LRP1B: variants seen among roughly 807,000 people sequenced by gnomAD.
LRP1B encodes low-density lipoprotein receptor-related protein 1B.
LRP1B carries 217 observed loss-of-function variants against 556.6 expected under a neutral mutation model. That is an observed-to-expected ratio of 0.39 (90% CI 0.35 to 0.44). The LOEUF (loss-of-function observed/expected upper bound fraction) is 0.44. Among genes scored for constraint, LRP1B ranks in the 20% least tolerant of loss-of-function variants. LRP1B has a pLI of 1.00. For missense variants in LRP1B, 5,053 were observed against 5,620.8 expected, an observed-to-expected ratio of 0.90 and a Z score of 3.23; for synonymous variants, 2,047 against 1,865.8, an observed-to-expected ratio of 1.10 and a Z score of -2.50.
At chr2:140,540,747 G>A (rs1389667209) in intron 45 of LRP1B, among the ~76,000 whole-genome samples, 1 of 149,568 alleles carries the variant, frequency 6.7e-6, no homozygotes, top group Non-Finnish European at 1.5e-5. Flanking sequence ...GTGCACAACA[G>A]GAGGGTAAAA....
chr2:140,314,847 G>T, intron 83 of LRP1B, 88 bp downstream of exon 83: 1 of 849,572 alleles, frequency 1.2e-6, no homozygotes, highest in Non-Finnish European at 1.8e-6. Context: ...AAGATATTAG[G>T]AAGTATATTT....
At chr2:140,622,365 A>T (rs1399659159) in intron 41 of LRP1B, among the ~76,000 whole-genome samples, 1 of 152,196 alleles carries the variant, frequency 6.6e-6, no homozygotes, top group African/African-American at 2.4e-5. Flanking sequence ...TCCATTAAAC[A>T]CCTGCCTGAA....
At chr2:141,717,965 G>A (rs1409552419) in intron 2 of LRP1B, among the ~76,000 whole-genome samples, 1 of 152,202 alleles carries the variant, frequency 6.6e-6, no homozygotes, top group Non-Finnish European at 1.5e-5. Flanking sequence ...GAGGATGAAG[G>A]AGGATACACT....
intron 22 of LRP1B, among the ~76,000 whole-genome samples, chr2:140,907,002 C>A (rs558319206): frequency 6.8e-6 from 1 of 147,326 alleles, no homozygotes; most frequent in South Asian, 2.2e-4. Flanking sequence ...TTTTTTATAT[C>A]ATTCAGTATG....
At chr2:141,239,557 A>T (rs1413109407) in intron 5 of LRP1B, among the ~76,000 whole-genome samples, 1 of 152,082 alleles carries the variant, frequency 6.6e-6, no homozygotes, top group African/African-American at 2.4e-5. Flanking sequence ...ATATGAGTCT[A>T]ATCCTCGAAC....
chr2:141,824,747 A>G (rs1696867611), intron 1 of LRP1B, among the ~76,000 whole-genome samples: 1 of 152,140 alleles, frequency 6.6e-6, no homozygotes, highest in Admixed American at 6.5e-5. Context: ...TACTTTTCAA[A>G]TCTTTCCCAC....
Position 141,144,579 on chromosome 2 carries a change from G to A in LRP1B, c.1013+43842C>T, listed in dbSNP as rs77938118. 3.7e-4 allele frequency among the ~76,000 whole-genome samples: 57 copies of A among 152,244 alleles called. 1 individual carries two copies. The East Asian group carries it at 8.1e-3, about 22-fold the overall frequency. ...AATCTACTACTTCTCATATGAATGA[G>A]TAACAGCTGGTCACTTTATAACCAT... is the stretch of plus-strand genomic sequence containing the variant. On this transcript the variant is annotated intron_variant, in intron 7 of 90. Transcript: ENST00000389484.
At chr2:140,993,038 G>A (rs1222037700) in intron 16 of LRP1B, among the ~76,000 whole-genome samples, 1 of 151,830 alleles carries the variant, frequency 6.6e-6, no homozygotes, top group African/African-American at 2.4e-5. Context: ...CTGAAGCATC[G>A]ATGTTTGAAT....
intron 10 of LRP1B, among the ~76,000 whole-genome samples, chr2:141,052,014 C>G (rs2105450584): frequency 6.6e-6 from 1 of 152,048 alleles, no homozygotes; most frequent in East Asian, 1.9e-4. Flanking sequence ...GAACCATTAT[C>G]TTAAGCCTTG....
chr2:141,504,958 G>A (rs972880920), intron 2 of LRP1B, among the ~76,000 whole-genome samples: 2 of 151,978 alleles, frequency 1.3e-5, no homozygotes, highest in African/African-American at 4.8e-5. Flanking sequence ...TGAAAGATAG[G>A]ACATTTCCAT....
rs181465744 is a variant in LRP1B at position 140,253,297 on chromosome 2, G to C, written c.13248-6135C>G. On this transcript the variant is annotated intron_variant, in intron 86 of 90. Coordinates refer to ENST00000389484, the MANE Select transcript of LRP1B (RefSeq NM_018557.3). ...TTCTGAGAAGTGTTAATGTGGTAAA[G>C]TAAAAAGAGAAATGACATATTCAAT... 2.8e-4 allele frequency among the ~76,000 whole-genome samples: 42 copies of C among 152,068 alleles called. 2 individuals are homozygous for C. The highest frequency in any genetic ancestry group is 2.3e-3 in the Admixed American group (35 of 15,252).
intron 71 of LRP1B, among the ~76,000 whole-genome samples, chr2:140,365,946 A>G (rs1682742258): frequency 6.6e-6 from 1 of 151,734 alleles, no homozygotes; most frequent in Admixed American, 6.6e-5. Flanking sequence ...TGGAAGGAAT[A>G]ATGTGCCCGA....
intron 15 of LRP1B, among the ~76,000 whole-genome samples, 161 bp downstream of exon 15, chr2:141,005,174 A>G (rs1465931253): frequency 6.6e-6 from 1 of 152,104 alleles, no homozygotes; most frequent in African/African-American, 2.4e-5. Context: ...CTATATATTC[A>G]AAATTAATCA....
At position 140,541,038 on chromosome 2, in the gene LRP1B, G is replaced by C. The variant is rs1169250775; in HGVS notation, c.7448C>G (p.Pro2483Arg). ...GCAGGAACAATTCACTCTCCCATTG[G>C]GAGTTAAAAGGCACAAGTCATGGCA... ...GGCHDLCLLT[P>R]NGRVNCSCRG... The change falls in exon 45 of 91, where the codon CCC becomes CGC. Residue 2483 changes from proline (P) to arginine (R), a missense_variant. Pro to Arg is a moderately radical substitution (Grantham distance 103, BLOSUM62 -2). Transcript: ENST00000389484. 3 of 1,611,512 alleles carry C rather than the reference G, an allele frequency of 1.9e-6. No individual in the cohort carries two copies. The highest frequency in any genetic ancestry group is 2.5e-6 in the Non-Finnish European group (3 of 1,178,284).
At chr2:140,809,750 T>C (rs1207032420) in intron 32 of LRP1B, among the ~76,000 whole-genome samples, 6 of 152,172 alleles carry the variant, frequency 3.9e-5, no homozygotes, top group Non-Finnish European at 8.8e-5. Flanking sequence ...TGGTTCTGGT[T>C]TGGAGTATCC....
In LRP1B at chr2:140,595,087, A is replaced by AATATATCTATATATAT. The variant is rs1204829412; in HGVS notation, c.7194+3543_7194+3544insATATATATAGATATAT. 8.0e-5 allele frequency among the ~76,000 whole-genome samples: 8 copies of AATATATCTATATATAT among 99,672 alleles called. 1 individual carries two copies. Among genetic ancestry groups the AATATATCTATATATAT allele is most frequent in the Non-Finnish European group, 1.1e-4 (5 of 46,806 alleles). The allele number at this position is 99,672 out of a possible 152,430, so 65.4% of individuals were successfully genotyped here. On this transcript the variant is annotated intron_variant, in intron 43 of 90. Coordinates refer to ENST00000389484, the MANE Select transcript of LRP1B (RefSeq NM_018557.3). ...CTACTTAAAAATAAAATATAAATTGAATATATATATATATATATATATATA... is the reference window on the plus strand; with the variant it reads ...CTACTTAAAAATAAAATATAAATTGAATATATCTATATATATATATATATATATATATATATATATA...
At chr2:141,372,205 A>G (rs995776338) in intron 3 of LRP1B, among the ~76,000 whole-genome samples, 9 of 152,120 alleles carry the variant, frequency 5.9e-5, no homozygotes, top group Non-Finnish European at 1.0e-4. Flanking sequence ...ATATATATTG[A>G]ATCATCCTTG....
At chr2:140,718,649 C>A (rs545208637) in intron 35 of LRP1B, among the ~76,000 whole-genome samples, 1 of 151,916 alleles carries the variant, frequency 6.6e-6, no homozygotes, top group Non-Finnish European at 1.5e-5. Flanking sequence ...AATTTCTCTC[C>A]GCTGTCTCGC....
intron 2 of LRP1B, among the ~76,000 whole-genome samples, chr2:141,520,759 C>G (rs1354180914): frequency 6.6e-6 from 1 of 152,112 alleles, no homozygotes; most frequent in Non-Finnish European, 1.5e-5. Context: ...TAACTCCTTA[C>G]AATAACACAC....
Sources: allele counts gnomAD v4.1 joint callset (sites outside exome capture counted in the v4.1 genomes callset), GRCh38; gene constraint gnomAD v4.1.1; transcripts MANE v1.5; gene names NCBI Gene and HGNC (gene_info 2026-07-23, HGNC 2026-07-21).